Variants in PCDH9 observed in about 807,000 individuals in gnomAD.
PCDH9 encodes the protein protocadherin-9.
PCDH9 carries 24 observed loss-of-function variants against 70.6 expected under a neutral mutation model. The ratio of observed to expected loss-of-function variants is 0.34; its 90% CI spans 0.25 to 0.48. The LOEUF is 0.48. Ranked by LOEUF, PCDH9 falls within the 20% of genes least tolerant of loss-of-function variation. PCDH9 has a pLI of 0.99. For synonymous variants in PCDH9, 562 were observed against 558.5 expected (o/e 1.01, Z -0.09); for missense variants, 1,281 against 1,503.6 (o/e 0.85, Z 2.45).
At chr13:66,513,006 A>G (rs1418594656) in intron 4 of PCDH9, among the ~76,000 whole-genome samples, 1 of 151,838 alleles carries the variant, frequency 6.6e-6, no homozygotes, top group Admixed American at 6.6e-5. Flanking sequence ...TTTTGTAGAG[A>G]TGGGGTTTTG....
intron 3 of PCDH9, among the ~76,000 whole-genome samples, chr13:66,898,113 A>G (rs186540282): frequency 6.6e-6 from 1 of 152,034 alleles, no homozygotes; most frequent in East Asian, 1.9e-4. Context: ...TTTCTCTAAT[A>G]CTTGTTATAT....
At chr13:66,973,835 G>C (rs1483090282) in intron 2 of PCDH9, among the ~76,000 whole-genome samples, 1 of 151,980 alleles carries the variant, frequency 6.6e-6, no homozygotes, top group Non-Finnish European at 1.5e-5. Flanking sequence ...CAGTAGAGGA[G>C]CCATTTCCCC....
chr13:66,644,273 T>C (rs1439391216), intron 3 of PCDH9, among the ~76,000 whole-genome samples: 1 of 151,868 alleles, frequency 6.6e-6, no homozygotes, highest in Admixed American at 6.6e-5. Context: ...AACTATGAAT[T>C]TTATTAATAA....
chr13:66,641,309 A>C (rs1324784594), intron 3 of PCDH9, among the ~76,000 whole-genome samples: 1 of 152,246 alleles, frequency 6.6e-6, no homozygotes, highest in Non-Finnish European at 1.5e-5. Context: ...GGAGACAGCC[A>C]TATAACTATT....
intron 2 of PCDH9, among the ~76,000 whole-genome samples, chr13:67,126,654 G>T (rs1017378445): frequency 1.3e-5 from 2 of 152,084 alleles, no homozygotes; most frequent in African/African-American, 4.8e-5. Context: ...ATTGAGACCA[G>T]CCTAGCCAAC....
intron 4 of PCDH9, among the ~76,000 whole-genome samples, chr13:66,602,179 T>G (rs2077172612): frequency 6.8e-6 from 1 of 146,012 alleles, no homozygotes; most frequent in Non-Finnish European, 1.5e-5. Context: ...ACACTGACAC[T>G]AATGATAGCT....
chr13:66,536,271 T>C (rs1395035455), intron 4 of PCDH9, among the ~76,000 whole-genome samples: 1 of 152,070 alleles, frequency 6.6e-6, no homozygotes, highest in East Asian at 1.9e-4. Context: ...AGCTCAAACA[T>C]AGATCTTCTG....
intron 4 of PCDH9, among the ~76,000 whole-genome samples, chr13:66,459,341 G>A (rs749232648): frequency 2.0e-5 from 3 of 152,006 alleles, no homozygotes; most frequent in Non-Finnish European, 2.9e-5. Flanking sequence ...GAGGAATGTA[G>A]CATTGTCAGC....
chr13:66,333,985 T>A (rs1285534172), intron 4 of PCDH9, among the ~76,000 whole-genome samples: 25 of 152,130 alleles, frequency 1.6e-4, no homozygotes, highest in Admixed American at 1.6e-3. Flanking sequence ...TGTGTAATGA[T>A]CAAATCTGGG....
intron 2 of PCDH9, chr13:67,204,870 A>G (rs1566494354): frequency 6.6e-6 from 1 of 152,200 alleles, no homozygotes; most frequent in Non-Finnish European, 1.5e-5. Context: ...CCAACTGGGA[A>G]TTCTATCAGA....
At chr13:66,449,376 C>A (rs1958161827) in intron 4 of PCDH9, among the ~76,000 whole-genome samples, 1 of 152,120 alleles carries the variant, frequency 6.6e-6, no homozygotes, top group Admixed American at 6.5e-5. Flanking sequence ...GTCTTCCTGT[C>A]TGCCTTCTTT....
chr13:66,555,671 T>C (rs1961703447), intron 4 of PCDH9, among the ~76,000 whole-genome samples: 3 of 95,854 alleles, frequency 3.1e-5, no homozygotes, highest in Admixed American at 1.9e-4. Flanking sequence ...TAGCCTCTAT[T>C]ATCTAAGACA....
At chr13:67,015,922 G>T (rs1033106943) in intron 2 of PCDH9, among the ~76,000 whole-genome samples, 1 of 152,070 alleles carries the variant, frequency 6.6e-6, no homozygotes, top group Admixed American at 6.6e-5. Flanking sequence ...GTTCCTGATT[G>T]GTAGTGGCCA....
intron 2 of PCDH9, among the ~76,000 whole-genome samples, chr13:66,950,228 C>A (rs2083157158): frequency 6.6e-6 from 1 of 152,106 alleles, no homozygotes; most frequent in South Asian, 2.1e-4. Flanking sequence ...GAAGTTAGTG[C>A]TTCTGCTTCC....
chr13:66,777,452 C>T lies in PCDH9; in HGVS notation c.3138+126052G>A, dbSNP rs1316481635. Among the ~76,000 whole-genome samples the T allele has an allele frequency of 2.0e-5, 3 of 152,104 alleles. No homozygotes were observed. The South Asian group carries it at 6.2e-4, about 32-fold the overall frequency. ...TTTACAAGAAAAAAACAAACAACCC[C>T]ATCAAAAAGTGGGCAAAGGACATGA... On this transcript the variant is annotated intron_variant, in intron 3 of 4. Coordinates refer to ENST00000377865, the MANE Select transcript of PCDH9 (RefSeq NM_203487.3).
intron 2 of PCDH9, among the ~76,000 whole-genome samples, chr13:67,103,947 A>C (rs1201727220): frequency 6.6e-6 from 1 of 152,190 alleles, no homozygotes; most frequent in African/African-American, 2.4e-5. Context: ...TCAGAAAGTA[A>C]CATCAGGAAT....
chr13:66,817,609 A>G (rs769145319), intron 3 of PCDH9, among the ~76,000 whole-genome samples: 3 of 152,014 alleles, frequency 2.0e-5, no homozygotes, highest in Non-Finnish European at 2.9e-5. Context: ...ATGCACTTAA[A>G]TTTATTTTCA....
At chr13:66,766,520 G>A (rs745473636) in intron 3 of PCDH9, among the ~76,000 whole-genome samples, 9 of 151,910 alleles carry the variant, frequency 5.9e-5, no homozygotes, top group Non-Finnish European at 1.2e-4. Context: ...AATACTTATA[G>A]TGTAGATAGC....
At chr13:66,577,291 A>T (rs1216024474) in intron 4 of PCDH9, among the ~76,000 whole-genome samples, 1 of 151,946 alleles carries the variant, frequency 6.6e-6, no homozygotes, top group Non-Finnish European at 1.5e-5. Flanking sequence ...GAATTGATTC[A>T]TTTTAAGCAT....
Sources: gnomAD v4.1 joint callset for allele counts (sites outside exome capture counted in the v4.1 genomes callset) on GRCh38, gnomAD v4.1.1 for gene constraint, MANE v1.5 for transcripts, NCBI Gene and HGNC (gene_info 2026-07-23, HGNC 2026-07-21) for gene names.